Variants in PCDHA1 observed in about 807,000 individuals in gnomAD.
PCDHA1 encodes protocadherin alpha 1, also known as protocadherin alpha-1.
Under a neutral mutation model 61.3 loss-of-function variants are expected in PCDHA1, and 42 were observed. The ratio of observed to expected loss-of-function variants is 0.69; its 90% CI spans 0.54 to 0.89. PCDHA1 has a LOEUF of 0.89. Ranked by LOEUF, PCDHA1 falls within the 40% of genes least tolerant of loss-of-function variation. The pLI, the probability that PCDHA1 is intolerant of heterozygous loss-of-function variation, is 0.00. For missense variants in PCDHA1, 1,256 were observed against 1,235.3 expected (o/e 1.02, Z -0.25); for synonymous variants, 610 against 553.8 (o/e 1.10, Z -1.43).
At chr5:140,862,293 C>A in intron 1 of PCDHA1, 1 of 268,596 alleles carries the variant, frequency 3.7e-6, no homozygotes, top group Non-Finnish European at 7.3e-6. Flanking sequence ...CAGGAGGACG[C>A]TCCACTGGGT....
intron 1 of PCDHA1, chr5:140,871,041 T>G (rs782091626): frequency 6.2e-7 from 1 of 1,613,310 alleles, no homozygotes; most frequent in South Asian, 1.1e-5. Flanking sequence ...GCCACCGACT[T>G]CTAGTACTGG....
chr5:140,923,062 A>G (rs548165193), intron 1 of PCDHA1, among the ~76,000 whole-genome samples: 1 of 152,372 alleles, frequency 6.6e-6, no homozygotes, highest in African/African-American at 2.4e-5. Context: ...TAAAAGAGCT[A>G]GGTCTCCTCA....
chr5:141,008,871 C>T (rs1249220900), intron 3 of PCDHA1, among the ~76,000 whole-genome samples: 2 of 152,168 alleles, frequency 1.3e-5, no homozygotes, highest in African/African-American at 4.8e-5. Context: ...TGCTGCATCC[C>T]ACCACCCTTC....
chr5:140,865,608 A>G (rs915675853), intron 1 of PCDHA1: 4 of 152,202 alleles, frequency 2.6e-5, no homozygotes, highest in Non-Finnish European at 5.9e-5. Context: ...CAGTTTATTA[A>G]TATATTTGTT....
chr5:140,957,076 A>C (rs1554222802), intron 1 of PCDHA1, among the ~76,000 whole-genome samples: 1 of 152,174 alleles, frequency 6.6e-6, no homozygotes, highest in Non-Finnish European at 1.5e-5. Context: ...AGGGCTTTTT[A>C]TTAAGGAAAA....
intron 1 of PCDHA1, chr5:140,969,203 G>T (rs781962982): frequency 8.1e-6 from 13 of 1,614,178 alleles, no homozygotes; most frequent in Non-Finnish European, 1.1e-5. Flanking sequence ...CAATACAGGG[G>T]CCCAGACAGG....
At chr5:140,870,241 G>A (rs782478787) in intron 1 of PCDHA1, 2 of 1,614,196 alleles carry the variant, frequency 1.2e-6, no homozygotes, top group South Asian at 1.1e-5. Flanking sequence ...TGACTCAGGT[G>A]TCAACGGACA....
At chr5:140,990,858 T>C (rs1243458417) in intron 3 of PCDHA1, among the ~76,000 whole-genome samples, 2 of 152,172 alleles carry the variant, frequency 1.3e-5, no homozygotes, top group African/African-American at 2.4e-5. Flanking sequence ...CCTGAGGACA[T>C]TGTATTTTAA....
chr5:140,800,282 T>C (rs868910856), intron 1 of PCDHA1, among the ~76,000 whole-genome samples: 5 of 152,100 alleles, frequency 3.3e-5, no homozygotes, highest in Admixed American at 1.3e-4. Flanking sequence ...AATTTCTCTG[T>C]AAAGGACCGA....
intron 1 of PCDHA1, chr5:140,842,664 T>C: frequency 6.3e-7 from 1 of 1,595,188 alleles, no homozygotes; most frequent in Non-Finnish European, 8.6e-7. Context: ...GTGGCCGACG[T>C]GAACGACAAT....
chr5:140,892,757 A>G lies in PCDHA1; in HGVS notation c.2395-86192A>G, dbSNP rs140291258. 8.0e-3 allele frequency among the ~76,000 whole-genome samples: 1,217 copies of G among 152,310 alleles called. 7 individuals carry two copies. Among genetic ancestry groups the G allele is most frequent in the African/African-American group, 0.019 (784 of 41,562 alleles). ...CCATTTTTGCATGGTGAACATTTAA[A>G]ATCCACTCTTCTAGCTTCTTGAAAA... On this transcript the variant is annotated intron_variant, in intron 1 of 3. Transcript: ENST00000504120.
chr5:140,963,151 A>G (rs544176369), intron 1 of PCDHA1, among the ~76,000 whole-genome samples: 2 of 152,326 alleles, frequency 1.3e-5, no homozygotes, highest in South Asian at 4.1e-4. Context: ...ATGAATTTAA[A>G]AATGACACAT....
At chr5:140,851,069 A>T in intron 1 of PCDHA1, 1 of 1,353,390 alleles carries the variant, frequency 7.4e-7, no homozygotes, top group Non-Finnish European at 9.7e-7. Flanking sequence ...TCTAGTGAGA[A>T]TTATAAACTG....
intron 1 of PCDHA1, chr5:140,824,610 GTTTTTTTT>G (rs782443702): frequency 1.1e-5 from 1 of 95,104 alleles, no homozygotes; most frequent in Non-Finnish European, 1.9e-5. Flanking sequence ...GCTAATTAAA[GTTTTTTTT>G]TTTTTTTTTT....
rs2098418669 is a variant in PCDHA1 at position 141,010,882 on chromosome 5, G to C, written c.*945G>C. On this transcript the variant is annotated 3_prime_UTR_variant, in exon 4 of 4. Transcript: ENST00000504120. ...GTCTATAGCTATAAATCTTTAAAGAGAAATATGAATACAATTCCCCTAAAC... is the reference window on the plus strand; with the variant it reads ...GTCTATAGCTATAAATCTTTAAAGACAAATATGAATACAATTCCCCTAAAC... The C allele has an allele frequency of 6.5e-6, 1 of 153,674 alleles. No homozygotes were observed. The allele number at this position is 153,674 out of a possible 1,614,324, so 9.5% of individuals were successfully genotyped here.
At chr5:140,791,092 A>G (rs984530080) in intron 1 of PCDHA1, among the ~76,000 whole-genome samples, 1 of 152,246 alleles carries the variant, frequency 6.6e-6, no homozygotes, top group Non-Finnish European at 1.5e-5. Context: ...GTAAGGTATC[A>G]TTTGAGGGAC....
chr5:140,927,374 A>G (rs1026302775), intron 1 of PCDHA1: 5 of 1,614,100 alleles, frequency 3.1e-6, no homozygotes, highest in Non-Finnish European at 4.2e-6. Context: ...ATACTAAGCT[A>G]CAGCCTAAGC....
chr5:140,828,802 T>C (rs2150159196), intron 1 of PCDHA1: 42 of 1,614,232 alleles, frequency 2.6e-5, no homozygotes, highest in Non-Finnish European at 3.5e-5. Context: ...ATGTGAATGA[T>C]AATGCTCCCA....
Position 140,927,111 on chromosome 5 carries a change from C to T in PCDHA1, c.2395-51838C>T. Reference sequence around the variant, plus strand: ...ACTTCGGGGTGGATCTACCCAGCGGCAATTTGGTGGTCAGAGAGCCGGCGG... The same window carrying T: ...ACTTCGGGGTGGATCTACCCAGCGGTAATTTGGTGGTCAGAGAGCCGGCGG... On this transcript the variant is annotated intron_variant, in intron 1 of 3. Transcript: ENST00000504120. The T allele has an allele frequency of 3.7e-6, 6 of 1,613,856 alleles. No individual in the cohort carries two copies. In the Middle Eastern group the frequency reaches 8.3e-4, roughly 222 times the overall value.
Sources: gnomAD v4.1 joint callset for allele counts (sites outside exome capture counted in the v4.1 genomes callset) on GRCh38, gnomAD v4.1.1 for gene constraint, MANE v1.5 for transcripts, NCBI Gene and HGNC (gene_info 2026-07-23, HGNC 2026-07-21) for gene names.